Variants in PDGFD observed in about 807,000 individuals in gnomAD.
PDGFD encodes the protein platelet-derived growth factor D.
A neutral mutation model predicts 44.7 loss-of-function variants in PDGFD; 30 were observed. The observed-to-expected ratio is 0.67, with a 90% CI of 0.50 to 0.91. PDGFD has a LOEUF of 0.91. PDGFD is among the 40% of genes least tolerant of loss of function. The pLI is 0.00. For missense variants in PDGFD, 445 were observed against 457.8 expected (o/e 0.97, Z 0.25); for synonymous variants, 173 against 168.4 (o/e 1.03, Z -0.21).
chr11:104,052,160 A>C (rs985487186), intron 1 of PDGFD, among the ~76,000 whole-genome samples: 4 of 152,164 alleles, frequency 2.6e-5, no homozygotes, highest in Non-Finnish European at 5.9e-5. Flanking sequence ...TAATGTCTTC[A>C]AGACTTATCC....
chr11:103,944,037 ATTAGT>A lies in PDGFD; in HGVS notation c.574-392_574-388del, dbSNP rs531326064. ...AATCAAAATTTCAAACTCCTTCCAC[ATTAGT>A]TTTGATAATTAATTCCACTCTCCCA... On this transcript the variant is annotated intron_variant, in intron 4 of 6. Coordinates refer to ENST00000393158, the MANE Select transcript of PDGFD (RefSeq NM_025208.5). Among the ~76,000 whole-genome samples, 587 of 152,262 alleles carry A rather than the reference ATTAGT, an allele frequency of 3.9e-3. 3 individuals are homozygous for A. The highest frequency in any genetic ancestry group is 5.0e-3 in the Non-Finnish European group (340 of 68,010).
At chr11:104,158,288 A>G (rs558136042) in intron 1 of PDGFD, among the ~76,000 whole-genome samples, 6 of 152,358 alleles carry the variant, frequency 3.9e-5, no homozygotes, top group African/African-American at 1.2e-4. Context: ...GGGGTGGAGA[A>G]GCTGAAGCTA....
chr11:104,099,932 T>C (rs1459963724), intron 1 of PDGFD, among the ~76,000 whole-genome samples: 2 of 152,164 alleles, frequency 1.3e-5, no homozygotes, highest in Non-Finnish European at 2.9e-5. Context: ...AAAATGCTAA[T>C]GGGTATATTT....
intron 1 of PDGFD, among the ~76,000 whole-genome samples, chr11:104,119,955 T>A (rs1298122356): frequency 1.4e-5 from 2 of 139,458 alleles, no homozygotes; most frequent in Non-Finnish European, 3.0e-5. Flanking sequence ...ATATAAGTTA[T>A]TATATATTTA....
At chr11:104,004,749 A>G (rs1174026909) in intron 1 of PDGFD, among the ~76,000 whole-genome samples, 2 of 151,926 alleles carry the variant, frequency 1.3e-5, no homozygotes, top group Admixed American at 1.3e-4. Flanking sequence ...TGTGCCTGGC[A>G]TTGTTCTAAG....
chr11:103,953,408 A>C (rs1358945204), intron 3 of PDGFD, among the ~76,000 whole-genome samples: 1 of 152,206 alleles, frequency 6.6e-6, no homozygotes, highest in Admixed American at 6.5e-5. Context: ...CAGATATATG[A>C]ATGAAGCAGG....
chr11:103,997,838 CT>C (rs1479162490), intron 2 of PDGFD, among the ~76,000 whole-genome samples: 1 of 152,098 alleles, frequency 6.6e-6, no homozygotes, highest in Non-Finnish European at 1.5e-5. Context: ...CAAGAGAGGG[CT>C]GTTTTATCTC....
chr11:104,118,328 T>C (rs1861671990), intron 1 of PDGFD, among the ~76,000 whole-genome samples: 1 of 151,778 alleles, frequency 6.6e-6, no homozygotes, highest in African/African-American at 2.4e-5. Flanking sequence ...CTAGGCTATG[T>C]GAGGATACAA....
intron 1 of PDGFD, among the ~76,000 whole-genome samples, chr11:104,070,068 C>A (rs868856280): frequency 3.9e-5 from 6 of 152,286 alleles, no homozygotes; most frequent in Admixed American, 6.5e-5. Context: ...CCCCATCATT[C>A]TTTGAAGATA....
At chr11:104,024,645 G>A (rs115241034) in intron 1 of PDGFD, among the ~76,000 whole-genome samples, 152 of 152,266 alleles carry the variant, frequency 1.0e-3, no homozygotes, top group African/African-American at 3.6e-3. Context: ...ACCATACAGC[G>A]TTGTAGGTTA....
Position 103,957,499 on chromosome 11 carries a change from G to A in PDGFD, c.511-9775C>T, listed in dbSNP as rs980393826. On this transcript the variant is annotated intron_variant, in intron 3 of 6. Transcript: ENST00000393158. The stretch of plus-strand genomic sequence containing the variant: ...AGGCTACAGTAACCAAAGCAGCATG[G>A]TACAGGTACCAAAACAGAGATATAG... Among the ~76,000 whole-genome samples the A allele has an allele frequency of 2.0e-5, 3 of 152,088 alleles. No individual in the cohort carries two copies. The East Asian group carries it at 5.8e-4, about 29-fold the overall frequency.
At chr11:103,992,617 C>T (rs993416061) in intron 3 of PDGFD, among the ~76,000 whole-genome samples, 1 of 152,158 alleles carries the variant, frequency 6.6e-6, no homozygotes, top group African/African-American at 2.4e-5. Flanking sequence ...GGCTATGCTG[C>T]CATGCCCTGG....
At chr11:104,024,917 T>C (rs1860020060) in intron 1 of PDGFD, among the ~76,000 whole-genome samples, 1 of 152,212 alleles carries the variant, frequency 6.6e-6, no homozygotes. Flanking sequence ...CCAAGCTATA[T>C]TGCTCAATTT....
chr11:103,915,302 AATAG>A lies in PDGFD; in HGVS notation c.988-5487_988-5484del, dbSNP rs1301832207. ...ATCACAAGCATTCTTATACGCCAAT[AATAG>A]ACAAACAGAGAGCCAAATCATGAGT... On this transcript the variant is annotated intron_variant, in intron 6 of 6. Transcript: ENST00000393158. Among the ~76,000 whole-genome samples, 13 of 152,300 alleles carry A rather than the reference AATAG, an allele frequency of 8.5e-5. No homozygotes were observed. The East Asian group carries it at 2.5e-3, about 29-fold the overall frequency.
At chr11:103,935,291 A>G (rs1051724976) in intron 5 of PDGFD, among the ~76,000 whole-genome samples, 1 of 152,170 alleles carries the variant, frequency 6.6e-6, no homozygotes, top group Non-Finnish European at 1.5e-5. Context: ...AAAACAACTG[A>G]AAGTTGTCCC....
Position 103,947,647 on chromosome 11 carries a change from T to G in PDGFD, c.573+15A>C, listed in dbSNP as rs756331829. ...TCCGTTTCTTTTGCTGGCAACAGAGTAATAAATTACTTACTGAAATAGAGC... is the reference window on the plus strand; with the variant it reads ...TCCGTTTCTTTTGCTGGCAACAGAGGAATAAATTACTTACTGAAATAGAGC... On this transcript the variant is annotated intron_variant, in intron 4 of 6. Coordinates refer to ENST00000393158, the MANE Select transcript of PDGFD (RefSeq NM_025208.5). 6.2e-7 allele frequency: 1 copy of G among 1,607,794 alleles called. No individual in the cohort carries two copies. The highest frequency in any genetic ancestry group is 2.2e-5 in the East Asian group (1 of 44,840).
At chr11:104,018,512 C>G (rs943260304) in intron 1 of PDGFD, among the ~76,000 whole-genome samples, 21 of 152,128 alleles carry the variant, frequency 1.4e-4, no homozygotes, top group African/African-American at 4.6e-4. Context: ...ATTCACAAAC[C>G]CTGCAGTCGA....
intron 1 of PDGFD, among the ~76,000 whole-genome samples, chr11:104,079,798 T>C (rs1314879095): frequency 8.8e-6 from 1 of 113,202 alleles, no homozygotes; most frequent in African/African-American, 5.0e-5. Flanking sequence ...TGCATAGATA[T>C]ATATATATAA....
intron 3 of PDGFD, among the ~76,000 whole-genome samples, chr11:103,971,097 G>A (rs1026113540): frequency 2.6e-5 from 4 of 152,092 alleles, no homozygotes; most frequent in Non-Finnish European, 5.9e-5. Flanking sequence ...GTGAATATAT[G>A]TGTCATAACT....
Sources: gnomAD v4.1 joint callset for allele counts (sites outside exome capture counted in the v4.1 genomes callset) on GRCh38, gnomAD v4.1.1 for gene constraint, MANE v1.5 for transcripts, NCBI Gene and HGNC (gene_info 2026-07-23, HGNC 2026-07-21) for gene names.